The following CNTNAP2 variants were observed in gnomAD, a reference collection of about 807,000 sequenced individuals.
The protein encoded by CNTNAP2 is contactin associated protein 2.
CNTNAP2 carries 98 observed loss-of-function variants against 155.2 expected under a neutral mutation model. The observed-to-expected ratio is 0.63, with a 90% CI of 0.54 to 0.75. The LOEUF is 0.75. CNTNAP2 is among the 30% of genes least tolerant of loss of function. The probability of loss-of-function intolerance (pLI) is 0.00; values close to 1 mark genes in which losing one functional copy is unlikely to be tolerated. For synonymous variants in CNTNAP2, 651 were observed against 631.2 expected (o/e 1.03, Z -0.47); for missense variants, 1,727 against 1,688.1 (o/e 1.02, Z -0.40).
At chr7:148,325,872 C>T (rs181594469) in intron 21 of CNTNAP2, among the ~76,000 whole-genome samples, 2 of 152,216 alleles carry the variant, frequency 1.3e-5, no homozygotes, top group Admixed American at 6.5e-5. Context: ...AGGAGCACAG[C>T]GTGGAAGGGG....
intron 1 of CNTNAP2, among the ~76,000 whole-genome samples, chr7:146,137,573 T>G (rs933709165): frequency 3.3e-5 from 5 of 152,066 alleles, no homozygotes; most frequent in African/African-American, 9.7e-5. Context: ...AAATTATAAT[T>G]AAAAGCCTAA....
chr7:147,275,254 A>G (rs1309444028), intron 8 of CNTNAP2, among the ~76,000 whole-genome samples: 1 of 152,060 alleles, frequency 6.6e-6, no homozygotes, highest in East Asian at 1.9e-4. Flanking sequence ...TTGGGGCAGT[A>G]TAGTCATTTT....
chr7:148,227,594 G>C (rs1409024600), intron 19 of CNTNAP2, among the ~76,000 whole-genome samples: 2 of 152,150 alleles, frequency 1.3e-5, no homozygotes, highest in African/African-American at 4.8e-5. Flanking sequence ...AGGACACTGT[G>C]GGTGCCAACA....
rs151218323 is a variant in CNTNAP2 at position 146,876,636 on chromosome 7, C to G, written c.402+36732C>G. Among the ~76,000 whole-genome samples the G allele has an allele frequency of 1.4e-3, 218 of 152,252 alleles. 2 individuals are homozygous for G. Among genetic ancestry groups the G allele is most frequent in the African/African-American group, 4.9e-3 (205 of 41,566 alleles). On this transcript the variant is annotated intron_variant, in intron 3 of 23. Coordinates refer to ENST00000361727, the MANE Select transcript of CNTNAP2 (RefSeq NM_014141.6). ...ACCCTTACATTTGTGCCAGAACCTT[C>G]TAGACATACTGATTTAAAACATGTA...
At chr7:147,433,724 G>A (rs2116533727) in intron 10 of CNTNAP2, among the ~76,000 whole-genome samples, 1 of 152,260 alleles carries the variant, frequency 6.6e-6, no homozygotes, top group Admixed American at 6.5e-5. Flanking sequence ...GCCTGTGGGT[G>A]TTTTCAAACT....
intron 3 of CNTNAP2, among the ~76,000 whole-genome samples, chr7:146,972,769 C>A (rs1031099769): frequency 2.6e-5 from 4 of 152,036 alleles, no homozygotes; most frequent in East Asian, 1.9e-4. Flanking sequence ...TGCTTGAAAA[C>A]CTTTTATTAA....
At chr7:147,842,557 C>CTTTTTTT (rs1171642244) in intron 13 of CNTNAP2, among the ~76,000 whole-genome samples, 2 of 87,556 alleles carry the variant, frequency 2.3e-5, no homozygotes, top group Non-Finnish European at 5.0e-5. Flanking sequence ...AGTTGCATTT[C>CTTTTTTT]TTTTTTTTTT....
At chr7:148,089,019 T>C (rs763636921) in intron 15 of CNTNAP2, among the ~76,000 whole-genome samples, 2 of 151,936 alleles carry the variant, frequency 1.3e-5, no homozygotes, top group Non-Finnish European at 2.9e-5. Context: ...ATAATTAATA[T>C]GATGCACCAC....
chr7:146,743,380 A>G (rs1447534939), intron 1 of CNTNAP2, among the ~76,000 whole-genome samples: 3 of 152,132 alleles, frequency 2.0e-5, no homozygotes, highest in African/African-American at 7.2e-5. Context: ...GGTTGACACC[A>G]TGGAGTTATT....
In CNTNAP2 at chr7:146,534,483, A is replaced by G. The variant is rs141899696; in HGVS notation, c.98-239788A>G. Among the ~76,000 whole-genome samples the G allele has an allele frequency of 8.0e-3, 1,225 of 152,182 alleles. 22 individuals are homozygous for G. Among genetic ancestry groups the G allele is most frequent in the African/African-American group, 0.029 (1,186 of 41,524 alleles). On this transcript the variant is annotated intron_variant, in intron 1 of 23. Transcript: ENST00000361727. The stretch of plus-strand genomic sequence containing the variant: ...AAATGTACGGTGTATACAGCCAGCA[A>G]TTTGTCAAAGAGTGTTGTAGAAATA...
intron 1 of CNTNAP2, among the ~76,000 whole-genome samples, chr7:146,572,946 G>A (rs1177298019): frequency 6.6e-6 from 1 of 152,076 alleles, no homozygotes; most frequent in African/African-American, 2.4e-5. Flanking sequence ...CTGGTGATAT[G>A]GGTTTCTGTG....
chr7:146,680,790 G>T (rs1204857776), intron 1 of CNTNAP2, among the ~76,000 whole-genome samples: 1 of 152,068 alleles, frequency 6.6e-6, no homozygotes, highest in East Asian at 1.9e-4. Flanking sequence ...CATGGATCCG[G>T]GACATACTAG....
At chr7:146,387,503 C>T (rs1176633086) in intron 1 of CNTNAP2, among the ~76,000 whole-genome samples, 1 of 152,188 alleles carries the variant, frequency 6.6e-6, no homozygotes, top group Non-Finnish European at 1.5e-5. Context: ...CTTCCTAGTA[C>T]TTTCTCATTT....
chr7:148,117,513 G>A (rs977097563), intron 15 of CNTNAP2, among the ~76,000 whole-genome samples: 6 of 152,214 alleles, frequency 3.9e-5, no homozygotes, highest in Non-Finnish European at 8.8e-5. Flanking sequence ...ACACAGGAGT[G>A]AGCACTGGCT....
At chr7:146,367,024 G>T (rs920970860) in intron 1 of CNTNAP2, among the ~76,000 whole-genome samples, 2 of 152,078 alleles carry the variant, frequency 1.3e-5, no homozygotes, top group African/African-American at 4.8e-5. Context: ...GAAAATAGCT[G>T]CCTTGAGAAA....
intron 9 of CNTNAP2, among the ~76,000 whole-genome samples, chr7:147,343,354 G>A (rs1190529449): frequency 6.6e-6 from 1 of 152,064 alleles, no homozygotes; most frequent in Non-Finnish European, 1.5e-5. Context: ...AGTGATGTTA[G>A]CAGTAAGAGT....
chr7:147,671,351 C>T (rs1234548766), intron 13 of CNTNAP2, among the ~76,000 whole-genome samples: 1 of 152,054 alleles, frequency 6.6e-6, no homozygotes, highest in African/African-American at 2.4e-5. Context: ...AGAGGAGGAC[C>T]GGACACAGGC....
In CNTNAP2 at chr7:148,266,904, G is replaced by A. The variant is rs1234593747; in HGVS notation, c.3382-129G>A. 5 of 853,694 alleles carry A rather than the reference G, an allele frequency of 5.9e-6. No homozygotes were observed. In the East Asian group the frequency reaches 7.4e-5, roughly 13 times the overall value. The allele number at this position is 853,694 out of a possible 1,614,324, so 52.9% of individuals were successfully genotyped here. On this transcript the variant is annotated intron_variant, in intron 20 of 23. Coordinates refer to ENST00000361727, the MANE Select transcript of CNTNAP2 (RefSeq NM_014141.6). ...CATTTTCTCGGGGTGGTGTTTTAGA[G>A]TCAGTGCTGATGAAATAAGATATCA... is the stretch of plus-strand genomic sequence containing the variant.
chr7:146,722,545 C>T (rs1002876072), intron 1 of CNTNAP2, among the ~76,000 whole-genome samples: 1 of 152,004 alleles, frequency 6.6e-6, no homozygotes, highest in Non-Finnish European at 1.5e-5. Flanking sequence ...CATTCTGTGG[C>T]TGGTTGGTGA....
Sources: gnomAD v4.1 joint callset for allele counts (sites outside exome capture counted in the v4.1 genomes callset) on GRCh38, gnomAD v4.1.1 for gene constraint, MANE v1.5 for transcripts, NCBI Gene and HGNC (gene_info 2026-07-23, HGNC 2026-07-21) for gene names.